PCDHGA3: variants seen among roughly 807,000 people sequenced by gnomAD.
PCDHGA3 encodes protocadherin gamma-A3.
In PCDHGA3, 40 loss-of-function variants were observed where a neutral mutation model predicts 58.5. The ratio of observed to expected loss-of-function variants is 0.68; its 90% CI spans 0.53 to 0.89. The LOEUF (loss-of-function observed/expected upper bound fraction) is 0.89. Among genes scored for constraint, PCDHGA3 ranks in the 40% least tolerant of loss-of-function variants. The pLI is 0.00. For missense variants in PCDHGA3, 1,223 were observed against 1,195.9 expected (o/e 1.02, Z -0.33); for synonymous variants, 530 against 525.7 (o/e 1.01, Z -0.11).
intron 1 of PCDHGA3, among the ~76,000 whole-genome samples, chr5:141,354,450 T>C (rs1250018353): frequency 6.6e-6 from 1 of 152,234 alleles, no homozygotes; most frequent in East Asian, 1.9e-4. Context: ...ATTATCCTAT[T>C]TGTCAATCTC....
chr5:141,389,930 C>T (rs1255366269), intron 1 of PCDHGA3: 1 of 1,614,064 alleles, frequency 6.2e-7, no homozygotes. Context: ...CCTCTGACCT[C>T]CAGGCTGAGC....
Position 141,431,529 on chromosome 5 carries a change from T to G in PCDHGA3, c.2425-63278T>G, listed in dbSNP as rs145601545. The G allele has an allele frequency of 2.5e-6, 4 of 1,614,074 alleles. No homozygotes were observed. The highest frequency in any genetic ancestry group is 3.4e-6 in the Non-Finnish European group (4 of 1,180,030). ...GCGAGCGTTCCGGAGAATCTGGCCT[T>G]GGGCACGCAGCTGCTTGTAGTCAAC... On this transcript the variant is annotated intron_variant, in intron 1 of 3. Coordinates refer to ENST00000253812, the MANE Select transcript of PCDHGA3 (RefSeq NM_018916.4). The surrounding 1 kb of genome is among the most constrained non-coding windows in gnomAD (Gnocchi z 4.8).
chr5:141,345,215 A>T lies in PCDHGA3; in HGVS notation c.1182A>T (p.Leu394Phe). The change falls in exon 1 of 4, where the codon TTA becomes TTT. Residue 394 changes from leucine (L) to phenylalanine (F), a missense_variant. Physicochemically the swap from Leu to Phe is conservative, Grantham distance 22 (BLOSUM62 0). Around this residue, in one of 3 missense-constraint regions of PCDHGA3, gnomAD observed 791 missense variants for 708.5 expected, o/e 1.12. Coordinates refer to ENST00000253812, the MANE Select transcript of PCDHGA3 (RefSeq NM_018916.4). ...TCCTGGGAAATCTGCCATTTAAGTTAGAAAAATCAATAGATCAATATTACC... is the reference window on the plus strand; with the variant it reads ...TCCTGGGAAATCTGCCATTTAAGTTTGAAAAATCAATAGATCAATATTACC... ...VFVLGNLPFKLEKSIDQYYRL... is the reference protein window; with the variant it reads ...VFVLGNLPFKFEKSIDQYYRL... 1 of 1,614,020 alleles carries T rather than the reference A, an allele frequency of 6.2e-7. No individual in the cohort carries two copies. The highest frequency in any genetic ancestry group is 8.5e-7 in the Non-Finnish European group (1 of 1,179,910).
rs755443869 is a variant in PCDHGA3, at chr5:141,362,288, C to G, written c.2424+15831C>G. 6 of 1,614,094 alleles carry G rather than the reference C, an allele frequency of 3.7e-6. No individual in the cohort carries two copies. The South Asian group carries it at 6.6e-5, about 18-fold the overall frequency. The stretch of plus-strand genomic sequence containing the variant: ...GCAATCTCCCTGCGCCTGCGACTCT[C>G]TTCCAGGTCAGATGCTTGGGACTGT... On this transcript the variant is annotated intron_variant, in intron 1 of 3. Transcript: ENST00000253812.
chr5:141,439,441 T>C (rs2098112892), intron 1 of PCDHGA3, among the ~76,000 whole-genome samples: 2 of 152,348 alleles, frequency 1.3e-5, no homozygotes, highest in South Asian at 4.1e-4. Context: ...GAATATTTTA[T>C]TGCGGGAGCA....
Position 141,386,264 on chromosome 5 carries a change from A to T in PCDHGA3, c.2424+39807A>T, listed in dbSNP as rs115810695. Among the ~76,000 whole-genome samples the T allele has an allele frequency of 6.0e-3, 910 of 152,346 alleles. 6 individuals are homozygous for T. Among genetic ancestry groups the T allele is most frequent in the African/African-American group, 0.02 (846 of 41,566 alleles). On this transcript the variant is annotated intron_variant, in intron 1 of 3. Coordinates refer to ENST00000253812, the MANE Select transcript of PCDHGA3 (RefSeq NM_018916.4). ...TTGGAAATAACCCAATCTGGGATTA[A>T]CTACTTCCATATTCTTTTGTATAAC...
rs199936765 is a variant in PCDHGA3 at position 141,408,488 on chromosome 5, T to G, written c.2424+62031T>G. Reference sequence around the variant, plus strand: ...GAACCGAATAGACCGTGAGCAAATATGCAAAGAGAGAAGAAGATGTGAGTT... The same window carrying G: ...GAACCGAATAGACCGTGAGCAAATAGGCAAAGAGAGAAGAAGATGTGAGTT... On this transcript the variant is annotated intron_variant, in intron 1 of 3. Transcript: ENST00000253812. 8.1e-5 allele frequency: 130 copies of G among 1,614,012 alleles called. No individual in the cohort carries two copies. The Middle Eastern group carries it at 1.8e-3, about 23-fold the overall frequency.
At chr5:141,456,142 C>A (rs1258425044) in intron 1 of PCDHGA3, among the ~76,000 whole-genome samples, 1 of 152,052 alleles carries the variant, frequency 6.6e-6, no homozygotes, top group Non-Finnish European at 1.5e-5. Flanking sequence ...CCTGATCCGC[C>A]CGCCTCGGCC....
intron 1 of PCDHGA3, chr5:141,350,531 A>C (rs1342791727): frequency 6.2e-7 from 1 of 1,614,042 alleles, no homozygotes. Context: ...AGATCGAGAG[A>C]AGATTTGCGG....
At chr5:141,433,091 A>C in intron 1 of PCDHGA3, 1 of 1,614,182 alleles carries the variant, frequency 6.2e-7, no homozygotes, top group Non-Finnish European at 8.5e-7. Flanking sequence ...CTATGCAGAC[A>C]TGCTCGTCAG....
In PCDHGA3 at chr5:141,431,414, G is replaced by A. The variant is rs1184197093; in HGVS notation, c.2425-63393G>A. On this transcript the variant is annotated intron_variant, in intron 1 of 3. Coordinates refer to ENST00000253812, the MANE Select transcript of PCDHGA3 (RefSeq NM_018916.4). The surrounding 1 kb of genome is among the most constrained non-coding windows in gnomAD (Gnocchi z 4.8). ...GGTCCTTACGGCCTCCGACGGGGGC[G>A]ACCCGGTGCGCACAGGCACCGCGCG... The A allele has an allele frequency of 6.2e-7, 1 of 1,613,658 alleles. No homozygotes were observed. The highest frequency in any genetic ancestry group is 1.7e-5 in the Admixed American group (1 of 60,026).
intron 1 of PCDHGA3, chr5:141,430,824 C>T: frequency 6.5e-7 from 1 of 1,547,704 alleles, no homozygotes; most frequent in Non-Finnish European, 8.7e-7. Flanking sequence ...CTCCTGGGGA[C>T]TCTGTGGGAG....
At chr5:141,427,410 G>GA (rs1197961039) in intron 1 of PCDHGA3, 3 of 463,834 alleles carry the variant, frequency 6.5e-6, no homozygotes, top group African/African-American at 2.0e-5. Flanking sequence ...AGATTCGAGA[G>GA]AAAATGGGGA....
At chr5:141,362,063 T>C (rs1762309054) in intron 1 of PCDHGA3, 1 of 1,612,272 alleles carries the variant, frequency 6.2e-7, no homozygotes, top group Non-Finnish European at 8.5e-7. Context: ...CAGCGCCTGC[T>C]GGTCGCTGTG....
intron 1 of PCDHGA3, chr5:141,426,874 C>T: frequency 2.2e-6 from 1 of 456,654 alleles, no homozygotes; most frequent in Non-Finnish European, 4.4e-6. Context: ...CTGGAGAAGC[C>T]CCTGGGCCAG....
chr5:141,401,010 G>A (rs62378449), intron 1 of PCDHGA3, among the ~76,000 whole-genome samples: 17,448 of 152,052 alleles, frequency 0.11, 1,158 homozygotes, highest in African/African-American at 0.18. Context: ...CCTACCTAAT[G>A]GATTTATGAT....
intron 1 of PCDHGA3, chr5:141,365,305 C>T (rs753864685): frequency 1.5e-5 from 24 of 1,613,808 alleles, no homozygotes; most frequent in Non-Finnish European, 1.9e-5. Flanking sequence ...AGGATGGAGG[C>T]GCTCTTGTTG....
rs762398968 is a variant in PCDHGA3 at position 141,357,089 on chromosome 5, G to T, written c.2424+10632G>T. The T allele has an allele frequency of 2.5e-6, 4 of 1,613,760 alleles. No homozygotes were observed. Among genetic ancestry groups the T allele is most frequent in the Admixed American group, 3.3e-5 (2 of 60,010 alleles). ...CACACAGGCGAGGTGCGCACCGCAC[G>T]GGCCCTGCTGGACAGAGACGCGCTC... is the stretch of plus-strand genomic sequence containing the variant. On this transcript the variant is annotated intron_variant, in intron 1 of 3. Coordinates refer to ENST00000253812, the MANE Select transcript of PCDHGA3 (RefSeq NM_018916.4).
intron 1 of PCDHGA3, chr5:141,352,701 A>G (rs1213639147): frequency 6.5e-7 from 1 of 1,549,094 alleles, no homozygotes; most frequent in South Asian, 1.2e-5. Flanking sequence ...TAAATTTTAT[A>G]TATGGCGGCC....
Sources: gnomAD v4.1 joint callset for allele counts (sites outside exome capture counted in the v4.1 genomes callset) on GRCh38, gnomAD v4.1.1 for gene constraint, gnomAD v4.1.1 regional missense constraint, Gnocchi (gnomAD v3.1) non-coding constraint, MANE v1.5 for transcripts, NCBI Gene and HGNC (gene_info 2026-07-23, HGNC 2026-07-21) for gene names.